Variants in COL23A1 observed in about 807,000 individuals in gnomAD.
COL23A1 encodes collagen type XXIII alpha 1 chain.
In COL23A1, 97 loss-of-function variants were observed where a neutral mutation model predicts 99.3. The observed-to-expected ratio is 0.98, with a 90% CI of 0.83 to 1.16. COL23A1 has a LOEUF of 1.16. COL23A1 is among the 50% of genes most tolerant of loss of function. The pLI, the probability that COL23A1 is intolerant of heterozygous loss-of-function variation, is 0.00. For synonymous variants in COL23A1, 320 were observed against 308.2 expected, an observed-to-expected ratio of 1.04 and a Z score of -0.40; for missense variants, 762 against 757.4, an observed-to-expected ratio of 1.01 and a Z score of -0.07.
At chr5:178,322,982 G>A (rs1759430081) in intron 2 of COL23A1, among the ~76,000 whole-genome samples, 1 of 152,198 alleles carries the variant, frequency 6.6e-6, no homozygotes, top group Non-Finnish European at 1.5e-5. Context: ...GTCTCCATCT[G>A]CAGGGCCCTT....
chr5:178,426,112 G>A (rs1765920968), intron 2 of COL23A1, among the ~76,000 whole-genome samples: 1 of 152,194 alleles, frequency 6.6e-6, no homozygotes, highest in African/African-American at 2.4e-5. Flanking sequence ...GGTCAGGAAA[G>A]GCAGCAGAGA....
chr5:178,308,924 G>A lies in COL23A1; in HGVS notation c.362-2005C>T, dbSNP rs1758513958. 6.6e-6 allele frequency among the ~76,000 whole-genome samples: 1 copy of A among 152,208 alleles called. No individual in the cohort carries two copies. The highest frequency in any genetic ancestry group is 1.5e-5 in the Non-Finnish European group (1 of 68,042). On this transcript the variant is annotated intron_variant, in intron 2 of 28. Coordinates refer to ENST00000390654, the MANE Select transcript of COL23A1 (RefSeq NM_173465.4). This position sits in a 1 kb window ranked among gnomAD's most constrained non-coding sequence, Gnocchi z 5.1. Reference sequence around the variant, plus strand: ...CACGCAGCACCATGTTCCTCGGGCTGTAGGAGGAAGAAGGCCCAGTGGCCA... The same window carrying A: ...CACGCAGCACCATGTTCCTCGGGCTATAGGAGGAAGAAGGCCCAGTGGCCA...
At chr5:178,551,955 C>T (rs570308918) in intron 2 of COL23A1, among the ~76,000 whole-genome samples, 4 of 152,280 alleles carry the variant, frequency 2.6e-5, no homozygotes, top group East Asian at 1.9e-4. Context: ...GAGTTCCCAC[C>T]GGTGCTCGGA....
At chr5:178,451,132 G>A (rs575216868) in intron 2 of COL23A1, among the ~76,000 whole-genome samples, 2 of 152,268 alleles carry the variant, frequency 1.3e-5, no homozygotes. Context: ...GTGGAAAAGA[G>A]GGAAAACTTT....
At chr5:178,291,039 G>A (rs1454773990) in intron 3 of COL23A1, among the ~76,000 whole-genome samples, 2 of 152,214 alleles carry the variant, frequency 1.3e-5, no homozygotes, top group Non-Finnish European at 2.9e-5. Flanking sequence ...ATCTCCACTG[G>A]ACAGCTGATA....
chr5:178,525,655 CAG>C (rs1760259207), intron 2 of COL23A1, among the ~76,000 whole-genome samples: 1 of 62,662 alleles, frequency 1.6e-5, no homozygotes. Context: ...AATGGCGACA[CAG>C]CGCGCAGACC....
At chr5:178,305,373 G>A (rs1484213781) in intron 3 of COL23A1, among the ~76,000 whole-genome samples, 1 of 150,676 alleles carries the variant, frequency 6.6e-6, no homozygotes, top group Non-Finnish European at 1.5e-5. Flanking sequence ...AGAGTCTGAG[G>A]CCTGGAGAAA....
chr5:178,379,045 G>A (rs1467138329), intron 2 of COL23A1, among the ~76,000 whole-genome samples: 4 of 152,128 alleles, frequency 2.6e-5, no homozygotes, highest in Non-Finnish European at 5.9e-5. Flanking sequence ...ACATTTCACT[G>A]CAGAAACATT....
At chr5:178,407,423 G>A (rs974748972) in intron 2 of COL23A1, among the ~76,000 whole-genome samples, 1 of 152,140 alleles carries the variant, frequency 6.6e-6, no homozygotes. Context: ...AATGTCCAGG[G>A]TTTAATAAAA....
intron 2 of COL23A1, among the ~76,000 whole-genome samples, chr5:178,337,099 C>T (rs1177836205): frequency 2.0e-5 from 3 of 152,338 alleles, no homozygotes; most frequent in Middle Eastern, 3.4e-3. Context: ...GGGGGGCCTG[C>T]GGAGGACATC....
chr5:178,399,509 T>G (rs1219226885), intron 2 of COL23A1, among the ~76,000 whole-genome samples: 1 of 152,178 alleles, frequency 6.6e-6, no homozygotes, highest in African/African-American at 2.4e-5. Context: ...AGCCGATTGC[T>G]GGGAACATGG....
In COL23A1 at chr5:178,582,633, G is replaced by C. The variant is rs565129772; in HGVS notation, c.294+7271C>G. Among the ~76,000 whole-genome samples, 12 of 152,258 alleles carry C rather than the reference G, an allele frequency of 7.9e-5. No homozygotes were observed. In the East Asian group the frequency reaches 1.9e-3, roughly 25 times the overall value. On this transcript the variant is annotated intron_variant, in intron 1 of 28. Coordinates refer to ENST00000390654, the MANE Select transcript of COL23A1 (RefSeq NM_173465.4). ...AACTGAGGCTCAGAGAGGCCCCCAG[G>C]CTCCTCATCTAGAGCCTTCCCCTCC...
At chr5:178,524,736 CCTGAAG>C (rs1760213553) in intron 2 of COL23A1, among the ~76,000 whole-genome samples, 1 of 152,142 alleles carries the variant, frequency 6.6e-6, no homozygotes, top group Non-Finnish European at 1.5e-5. Flanking sequence ...CTCCTATGCC[CCTGAAG>C]CAGGGCCTTC....
intron 4 of COL23A1, among the ~76,000 whole-genome samples, chr5:178,289,686 G>A (rs941707585): frequency 5.3e-5 from 8 of 152,166 alleles, no homozygotes; most frequent in Admixed American, 2.6e-4. Flanking sequence ...ATTTAGAAAC[G>A]TCAACTGTCA....
intron 2 of COL23A1, among the ~76,000 whole-genome samples, chr5:178,450,260 T>C (rs936216540): frequency 7.2e-6 from 1 of 139,618 alleles, no homozygotes; most frequent in Non-Finnish European, 1.6e-5. Flanking sequence ...CAAGGATCGT[T>C]TTCCCCTTCT....
At chr5:178,577,483 G>A (rs1389337692) in intron 1 of COL23A1, among the ~76,000 whole-genome samples, 3 of 152,246 alleles carry the variant, frequency 2.0e-5, no homozygotes, top group African/African-American at 7.2e-5. Flanking sequence ...GGTGCTGTAG[G>A]GGGAAGCTCA....
intron 2 of COL23A1, among the ~76,000 whole-genome samples, chr5:178,325,078 G>A (rs1183002500): frequency 2.0e-5 from 3 of 152,184 alleles, no homozygotes; most frequent in Non-Finnish European, 2.9e-5. Flanking sequence ...TGAGTGACCC[G>A]CTCAAAGTCA....
intron 5 of COL23A1, among the ~76,000 whole-genome samples, chr5:178,286,738 C>A (rs1757174424): frequency 6.6e-6 from 1 of 152,208 alleles, no homozygotes; most frequent in African/African-American, 2.4e-5. Context: ...GGGACGCAGA[C>A]CCTGGCACCT....
At chr5:178,566,977 T>C (rs1303713615) in intron 1 of COL23A1, among the ~76,000 whole-genome samples, 1 of 152,078 alleles carries the variant, frequency 6.6e-6, no homozygotes, top group Non-Finnish European at 1.5e-5. Context: ...AACAGATAAG[T>C]AAACAAATTA....
Sources: gnomAD v4.1 joint callset for allele counts (sites outside exome capture counted in the v4.1 genomes callset) on GRCh38, gnomAD v4.1.1 for gene constraint, Gnocchi (gnomAD v3.1) non-coding constraint, MANE v1.5 for transcripts, NCBI Gene and HGNC (gene_info 2026-07-23, HGNC 2026-07-21) for gene names.